DOCK1: variants seen among roughly 807,000 people sequenced by gnomAD.
The protein encoded by DOCK1 is dedicator of cytokinesis protein 1.
DOCK1 carries 138 observed loss-of-function variants against 262.7 expected under a neutral mutation model. The ratio of observed to expected loss-of-function variants is 0.53; its 90% confidence interval spans 0.46 to 0.61. The LOEUF (loss-of-function observed/expected upper bound fraction) is 0.61, where lower values mean the gene tolerates loss of function less well. Ranked by LOEUF, DOCK1 falls within the 20% of genes least tolerant of loss-of-function variation. DOCK1 has a pLI of 0.00. For missense variants in DOCK1, 1,908 were observed against 2,370.7 expected (o/e 0.80, Z 4.05); for synonymous variants, 866 against 867.4 (o/e 1.00, Z 0.03).
chr10:127,398,647 A>C (rs1268506919), intron 38 of DOCK1, among the ~76,000 whole-genome samples: 2 of 152,250 alleles, frequency 1.3e-5, no homozygotes, highest in East Asian at 1.9e-4. Flanking sequence ...AAAACAGAAC[A>C]GATGAATTTT....
chr10:127,348,490 T>C (rs2063743595), intron 31 of DOCK1, among the ~76,000 whole-genome samples: 1 of 152,148 alleles, frequency 6.6e-6, no homozygotes, highest in Admixed American at 6.5e-5. Flanking sequence ...GGTTCATGAA[T>C]TGGGCCTCCC....
intron 14 of DOCK1, 77 bp from the exon 15 acceptor site, chr10:127,024,608 C>T (rs541663058): frequency 1.1e-5 from 13 of 1,237,030 alleles, no homozygotes; most frequent in South Asian, 2.9e-5. Flanking sequence ...CCTGTCCCCC[C>T]ACATATATAG....
intron 1 of DOCK1, among the ~76,000 whole-genome samples, chr10:126,952,578 G>A (rs2134418051): frequency 6.6e-6 from 1 of 151,544 alleles, no homozygotes; most frequent in South Asian, 2.1e-4. Flanking sequence ...TGTTGGTGAT[G>A]TAGTATTGTT....
chr10:127,400,598 C>T (rs189394285), intron 38 of DOCK1, among the ~76,000 whole-genome samples: 1 of 152,352 alleles, frequency 6.6e-6, no homozygotes, highest in Admixed American at 6.5e-5. Flanking sequence ...TCCCTAGATT[C>T]CTTATCTGCA....
At position 127,012,177 on chromosome 10, in the gene DOCK1, A is replaced by C; in HGVS notation, c.1059-55A>C. 1 of 931,452 alleles carries C rather than the reference A, an allele frequency of 1.1e-6. No individual in the cohort carries two copies. Among genetic ancestry groups the C allele is most frequent in the Admixed American group, 1.9e-5 (1 of 53,806 alleles). The allele number at this position is 931,452 out of a possible 1,614,324, so 57.7% of individuals were successfully genotyped here. A position where few individuals can be genotyped will look rare whatever the true frequency, so the allele number is the denominator to read the frequency against. On this transcript the variant is annotated intron_variant, in intron 11 of 51. Transcript: ENST00000623213. The surrounding 1 kb of genome is among the most constrained non-coding windows in gnomAD (Gnocchi z 4.0). ...TTATGTTCCCTTGTTACCGTGGCCCATGGGTCTCTGTGCCCCTTTGTCTCC... is the reference window on the plus strand; with the variant it reads ...TTATGTTCCCTTGTTACCGTGGCCCCTGGGTCTCTGTGCCCCTTTGTCTCC...
intron 1 of DOCK1, among the ~76,000 whole-genome samples, chr10:126,967,657 C>A (rs2037771844): frequency 6.6e-6 from 1 of 152,116 alleles, no homozygotes; most frequent in African/African-American, 2.4e-5. Flanking sequence ...TTCCAGAGGC[C>A]ACTGTGTTCC....
chr10:127,306,969 T>C (rs531870239), intron 29 of DOCK1, among the ~76,000 whole-genome samples: 15 of 152,342 alleles, frequency 9.8e-5, no homozygotes, highest in African/African-American at 3.6e-4. Flanking sequence ...ACTCTGTCAA[T>C]AGTTTGGGAA....
intron 27 of DOCK1, among the ~76,000 whole-genome samples, chr10:127,202,404 G>T (rs2057510088): frequency 6.6e-6 from 1 of 152,064 alleles, no homozygotes; most frequent in Non-Finnish European, 1.5e-5. Context: ...GCTGTGTGCT[G>T]GTGCTGGAGC....
chr10:127,194,812 G>C (rs574363876), intron 27 of DOCK1, among the ~76,000 whole-genome samples: 143 of 152,278 alleles, frequency 9.4e-4, no homozygotes, highest in African/African-American at 3.2e-3. Flanking sequence ...CCAAGGCAGG[G>C]CTCCCCCAAA....
At chr10:126,969,774 T>C (rs2134662736) in intron 1 of DOCK1, among the ~76,000 whole-genome samples, 1 of 152,242 alleles carries the variant, frequency 6.6e-6, no homozygotes, top group South Asian at 2.1e-4. Flanking sequence ...GAAGGTACGG[T>C]GGCCCGTGCT....
At chr10:126,931,583 C>A (rs1024837727) in intron 1 of DOCK1, among the ~76,000 whole-genome samples, 2 of 152,172 alleles carry the variant, frequency 1.3e-5, no homozygotes, top group African/African-American at 4.8e-5. Flanking sequence ...AGACAGAAGC[C>A]CCCACTGGGG....
Position 126,998,140 on chromosome 10 carries a change from A to T in DOCK1, c.658A>T (p.Thr220Ser). 1 of 1,613,952 alleles carries T rather than the reference A, an allele frequency of 6.2e-7. No homozygotes were observed. The highest frequency in any genetic ancestry group is 8.5e-7 in the Non-Finnish European group (1 of 1,179,892). ...DINRQAKFAA[T>S]PSLALFVNLK... ...TAACAGACAAGCCAAGTTTGCTGCA[A>T]CCCCTTCTCTGGCCTTGTTTGTGAA... is the stretch of plus-strand genomic sequence containing the variant. Residue 220 changes from threonine to serine, a missense_variant, in exon 8 of 52, where the codon ACC (threonine) becomes TCC (serine). Physicochemically the swap from Thr to Ser is moderately conservative, Grantham distance 58. This residue lies in a region of DOCK1 where 227 missense variants were observed against 254.1 expected (regional missense o/e 0.89). Transcript: ENST00000623213.
At chr10:127,086,141 C>T (rs1041671269) in intron 23 of DOCK1, among the ~76,000 whole-genome samples, 2 of 142,142 alleles carry the variant, frequency 1.4e-5, no homozygotes, top group Admixed American at 1.4e-4. Context: ...GGGAGACACA[C>T]CCCCCGCCCC....
chr10:127,237,747 A>C (rs1380245440), intron 27 of DOCK1, among the ~76,000 whole-genome samples: 1 of 152,206 alleles, frequency 6.6e-6, no homozygotes. Context: ...TTGATTGGAA[A>C]AGAAATACCT....
At chr10:127,330,157 A>T (rs980399101) in intron 29 of DOCK1, among the ~76,000 whole-genome samples, 1 of 152,180 alleles carries the variant, frequency 6.6e-6, no homozygotes, top group Non-Finnish European at 1.5e-5. Context: ...AACAGGTGTG[A>T]ACTCTCCGAC....
chr10:127,371,154 G>C (rs1394850199), intron 33 of DOCK1, among the ~76,000 whole-genome samples: 1 of 152,198 alleles, frequency 6.6e-6, no homozygotes, highest in African/African-American at 2.4e-5. Flanking sequence ...TCTGATTATA[G>C]TAACAGTTCA....
intron 16 of DOCK1, among the ~76,000 whole-genome samples, chr10:127,031,278 G>A (rs1449452675): frequency 6.6e-6 from 1 of 152,136 alleles, no homozygotes; most frequent in African/African-American, 2.4e-5. Flanking sequence ...CTTTCTCATT[G>A]TCATTTTACA....
intron 29 of DOCK1, among the ~76,000 whole-genome samples, chr10:127,264,149 C>T (rs1379708057): frequency 6.6e-6 from 1 of 152,204 alleles, no homozygotes; most frequent in African/African-American, 2.4e-5. Context: ...ACCTTATCCA[C>T]AGTTGTCAGC....
Position 127,033,814 on chromosome 10 carries a change from G to A in DOCK1, c.1912+1494G>A, listed in dbSNP as rs139335298. On this transcript the variant is annotated intron_variant, in intron 18 of 51. Coordinates refer to ENST00000623213, the MANE Select transcript of DOCK1 (RefSeq NM_001290223.2). ...TGGGCATGCGAGCCCTGGGTCAAAT[G>A]CTTTTGGATCTTTCCGTTTCTGCAC... 7.2e-4 allele frequency among the ~76,000 whole-genome samples: 110 copies of A among 152,284 alleles called. No homozygotes were observed. The East Asian group carries it at 0.021, about 28-fold the overall frequency.
Sources: allele counts gnomAD v4.1 joint callset (sites outside exome capture counted in the v4.1 genomes callset), GRCh38; gene constraint gnomAD v4.1.1; regional missense constraint gnomAD v4.1.1; non-coding constraint Gnocchi (gnomAD v3.1); transcripts MANE v1.5; gene names NCBI Gene and HGNC (gene_info 2026-07-23, HGNC 2026-07-21).